The following SARDH variants were observed in gnomAD, a reference collection of about 807,000 sequenced individuals.
The protein encoded by SARDH is sarcosine dehydrogenase, mitochondrial.
Under a neutral mutation model 109.1 loss-of-function variants are expected in SARDH, and 95 were observed. The observed-to-expected ratio is 0.87, with a 90% CI of 0.74 to 1.03. The LOEUF is 1.03. Ranked by LOEUF, SARDH falls within the 50% of genes least tolerant of loss-of-function variation. The probability of loss-of-function intolerance (pLI) is 0.00; values close to 1 mark genes in which losing one functional copy is unlikely to be tolerated. For missense variants in SARDH, 1,267 were observed against 1,287.8 expected (o/e 0.98, Z 0.25); for synonymous variants, 572 against 534.8 (o/e 1.07, Z -0.96).
At position 133,670,762 on chromosome 9, in the gene SARDH, G is replaced by A. The variant is rs774506667; in HGVS notation, c.2327-10C>T. ...TGCCAGTGCCGGTAGCCTGTGGGAA[G>A]GGAATCCATGGGGTCGGTGCCACCC... On this transcript the variant is annotated splice_polypyrimidine_tract_variant and intron_variant, in intron 18 of 20. Transcript: ENST00000439388. The A allele has an allele frequency of 3.9e-6, 6 of 1,558,162 alleles. No homozygotes were observed. The Admixed American group carries it at 7.6e-5, about 20-fold the overall frequency.
downstream of SARDH, among the ~76,000 whole-genome samples, chr9:133,659,848 G>T (rs1480546833): frequency 2.4e-4 from 37 of 152,220 alleles, no homozygotes; most frequent in East Asian, 6.8e-3. Flanking sequence ...CACGGAGCAG[G>T]CCCAAGAAGC....
Position 133,712,990 on chromosome 9 carries a change from G to A in SARDH, c.1237+48C>T. ...CCGCCTCCCCCAGAGCTCTGGGAAT[G>A]ACAGGACCTCCCTCTTGGGGGCCAG... On this transcript the variant is annotated intron_variant, in intron 9 of 20. Transcript: ENST00000439388. The surrounding 1 kb of genome is among the most constrained non-coding windows in gnomAD (Gnocchi z 4.1). The A allele has an allele frequency of 6.5e-7, 1 of 1,548,994 alleles. No homozygotes were observed. The highest frequency in any genetic ancestry group is 1.4e-5 in the African/African-American group (1 of 73,944).
intron 13 of SARDH, 139 bp from the exon 14 acceptor site, chr9:133,696,500 C>A: frequency 9.8e-7 from 1 of 1,019,734 alleles, no homozygotes; most frequent in Non-Finnish European, 1.5e-6. Context: ...GCACCAAGCC[C>A]TTCTCAGCTC....
At chr9:133,664,127 ACT>A (rs952636493) in intron 20 of SARDH, 113 bp from the exon 21 acceptor site, 42 of 1,397,162 alleles carry the variant, frequency 3.0e-5, no homozygotes, top group South Asian at 5.7e-5. Context: ...CTGTGGGCAA[ACT>A]CATCCCTGTG....
In SARDH at chr9:133,690,493, C is replaced by T; in HGVS notation, c.1956G>A (p.Val652=). 1.2e-6 allele frequency: 2 copies of T among 1,609,974 alleles called. No individual in the cohort carries two copies. Among genetic ancestry groups the T allele is most frequent in the Non-Finnish European group, 1.7e-6 (2 of 1,179,566 alleles). ...TGATGTGGGACCAGTTGTGCTGGGC[C>T]ACGGCCCCGCCCATGGCCAGGTAGT... ...DGYYLAMGGA[V]AQHNWSHITT... is the part of the protein sequence containing the mutation. The change falls in exon 16 of 21, where the codon GTG becomes GTA. Residue 652 remains valine, a synonymous_variant. Coordinates refer to ENST00000439388, the MANE Select transcript of SARDH (RefSeq NM_001134707.2).
chr9:133,732,556 A>T lies in SARDH; in HGVS notation c.377T>A (p.Leu126Gln). 6.2e-7 allele frequency: 1 copy of T among 1,613,424 alleles called. No individual in the cohort carries two copies. The highest frequency in any genetic ancestry group is 2.2e-5 in the East Asian group (1 of 44,850). Residue 126 changes from leucine (L) to glutamine (Q), a missense_variant, in exon 3 of 21, where the codon CTG (leucine) becomes CAG (glutamine). Coordinates refer to ENST00000439388, the MANE Select transcript of SARDH (RefSeq NM_001134707.2). The part of the protein sequence containing the change: ...LRPSDVEVEL[L>Q]AHTRRVVSRE... ...GCTCACCACCCGCCGAGTGTGGGCC[A>T]GAAGCTCCACCTCCACGTCACTGGG...
intron 3 of SARDH, among the ~76,000 whole-genome samples, chr9:133,731,768 G>C (rs1832690955): frequency 1.3e-5 from 2 of 152,226 alleles, no homozygotes; most frequent in Admixed American, 6.5e-5. Context: ...CTCAGGTGAA[G>C]TGGGGGTGAG....
At chr9:133,737,675 G>C (rs112787838) in intron 1 of SARDH, among the ~76,000 whole-genome samples, 1 of 152,178 alleles carries the variant, frequency 6.6e-6, no homozygotes, top group African/African-American at 2.4e-5. Context: ...AGGCTGCCAC[G>C]TGCCCCTTCA....
intron 17 of SARDH, among the ~76,000 whole-genome samples, chr9:133,674,235 G>C (rs980831054): frequency 6.6e-6 from 1 of 152,264 alleles, no homozygotes; most frequent in African/African-American, 2.4e-5. Context: ...CGGGCTCCCA[G>C]TCAGCCGGGC....
At chr9:133,711,256 C>A (rs2131443748) in intron 10 of SARDH, among the ~76,000 whole-genome samples, 1 of 152,364 alleles carries the variant, frequency 6.6e-6, no homozygotes, top group Middle Eastern at 3.4e-3. Flanking sequence ...AGAGGCCACA[C>A]AGAACCCTGG....
Position 133,712,431 on chromosome 9 carries a change from A to G in SARDH, c.1328+188T>C, listed in dbSNP as rs887950696. Among the ~76,000 whole-genome samples, 1 of 151,860 alleles carries G rather than the reference A, an allele frequency of 6.6e-6. No individual in the cohort carries two copies. The highest frequency in any genetic ancestry group is 2.4e-5 in the African/African-American group (1 of 41,314). ...TCTTCAAAGCTGTAAAGGGGCGTGG[A>G]CCTGCCCCCCAGCCACCCCCTCAGC... On this transcript the variant is annotated intron_variant, in intron 10 of 20. Transcript: ENST00000439388. The surrounding 1 kb of genome is among the most constrained non-coding windows in gnomAD (Gnocchi z 4.1).
At chr9:133,733,160 G>A (rs1024969057) in intron 2 of SARDH, among the ~76,000 whole-genome samples, 1 of 152,206 alleles carries the variant, frequency 6.6e-6, no homozygotes, top group African/African-American at 2.4e-5. Context: ...AAGAGTTGGA[G>A]CAGTGGCTTG....
intron 17 of SARDH, among the ~76,000 whole-genome samples, chr9:133,674,598 T>C (rs1411441249): frequency 6.6e-6 from 1 of 152,228 alleles, no homozygotes; most frequent in Non-Finnish European, 1.5e-5. Flanking sequence ...CCGTCACGTA[T>C]GTGTTCACAT....
chr9:133,683,526 G>A (rs576953769), intron 17 of SARDH, among the ~76,000 whole-genome samples: 2 of 152,306 alleles, frequency 1.3e-5, no homozygotes, highest in Admixed American at 1.3e-4. Context: ...GTGTGGCCTG[G>A]ATCCAGCTGT....
Position 133,712,734 on chromosome 9 carries a change from T to C in SARDH, c.1238-25A>G. On this transcript the variant is annotated intron_variant, in intron 9 of 20. Transcript: ENST00000439388. The surrounding 1 kb of genome is among the most constrained non-coding windows in gnomAD (Gnocchi z 4.1). Reference sequence around the variant, plus strand: ...CCTGGCAGGAAGAGAAGCGCAGGGCTGCGGTCTGCCCCCCAGGGTCCCCCA... The same window carrying C: ...CCTGGCAGGAAGAGAAGCGCAGGGCCGCGGTCTGCCCCCCAGGGTCCCCCA... 6.3e-7 allele frequency: 1 copy of C among 1,598,276 alleles called. No homozygotes were observed.
intron 17 of SARDH, among the ~76,000 whole-genome samples, chr9:133,679,220 C>A (rs1830613981): frequency 6.6e-6 from 1 of 152,208 alleles, no homozygotes; most frequent in Non-Finnish European, 1.5e-5. Flanking sequence ...GGGAACCTGC[C>A]CATGATATCG....
At chr9:133,724,314 T>TA (rs1185332836) in intron 6 of SARDH, among the ~76,000 whole-genome samples, 2 of 152,158 alleles carry the variant, frequency 1.3e-5, no homozygotes, top group African/African-American at 4.8e-5. Flanking sequence ...TACAACTCAA[T>TA]AAAAAGATAA....
intron 10 of SARDH, among the ~76,000 whole-genome samples, chr9:133,710,208 T>C (rs1831865078): frequency 6.6e-6 from 1 of 152,164 alleles, no homozygotes; most frequent in African/African-American, 2.4e-5. Context: ...GAGCCTCGAG[T>C]GCGCTCCAAG....
At chr9:133,672,983 C>T (rs1830399144) in intron 17 of SARDH, among the ~76,000 whole-genome samples, 1 of 152,372 alleles carries the variant, frequency 6.6e-6, no homozygotes, top group East Asian at 1.9e-4. Flanking sequence ...GGCTAAGCTT[C>T]ATCTCGTCCC....
Sources: allele counts gnomAD v4.1 joint callset (sites outside exome capture counted in the v4.1 genomes callset), GRCh38; gene constraint gnomAD v4.1.1; non-coding constraint Gnocchi (gnomAD v3.1); transcripts MANE v1.5; gene names NCBI Gene and HGNC (gene_info 2026-07-23, HGNC 2026-07-21).